The following BRCA2 variants were observed in gnomAD, a reference collection of about 807,000 sequenced individuals.
The protein encoded by BRCA2 is breast cancer type 2 susceptibility protein.
Under a neutral mutation model 276.7 loss-of-function variants are expected in BRCA2, and 203 were observed. The observed-to-expected ratio is 0.73, with a 90% CI of 0.65 to 0.82. BRCA2 has a LOEUF of 0.82. Among genes scored for constraint, BRCA2 ranks in the 40% least tolerant of loss-of-function variants. The pLI, the probability that BRCA2 is intolerant of heterozygous loss-of-function variation, is 0.00. For missense variants in BRCA2, 3,920 were observed against 3,915.0 expected (o/e 1.00, Z -0.03); for synonymous variants, 1,289 against 1,338.4 (o/e 0.96, Z 0.81).
At chr13:32,316,231 T>C (rs1279278477) in intron 1 of BRCA2, among the ~76,000 whole-genome samples, 191 bp from the exon 2 acceptor site, 1 of 152,204 alleles carries the variant, frequency 6.6e-6, no homozygotes, top group East Asian at 1.9e-4. Flanking sequence ...GAGTGCTTAA[T>C]GTGGCTAGTG....
At chr13:32,348,130 CAGT>C (rs1334578484) in intron 13 of BRCA2, among the ~76,000 whole-genome samples, 1 of 151,824 alleles carries the variant, frequency 6.6e-6, no homozygotes, top group African/African-American at 2.4e-5. Context: ...TAAATTAACT[CAGT>C]AGAAATAATG....
Position 32,316,448 on chromosome 13 carries a change from A to G in BRCA2, c.-13A>G, listed in dbSNP as rs2138697841. Reference sequence around the variant, plus strand: ...CTTATTTACCAAGCATTGGAGGAATATCGTAGGTAAAAATGCCTATTGGAT... The same window carrying G: ...CTTATTTACCAAGCATTGGAGGAATGTCGTAGGTAAAAATGCCTATTGGAT... On this transcript the variant is annotated 5_prime_UTR_variant, in exon 2 of 27. The change creates a new upstream start codon in the 5' untranslated region. Transcript: ENST00000380152. 3 of 1,611,154 alleles carry G rather than the reference A, an allele frequency of 1.9e-6. No homozygotes were observed. Among genetic ancestry groups the G allele is most frequent in the Non-Finnish European group, 2.5e-6 (3 of 1,177,240 alleles).
intron 13 of BRCA2, among the ~76,000 whole-genome samples, chr13:32,351,799 A>G (rs1311433500): frequency 6.6e-6 from 1 of 151,306 alleles, no homozygotes; most frequent in Admixed American, 6.6e-5. Flanking sequence ...ATTTTATTTT[A>G]TTTATTTATT....
intron 14 of BRCA2, among the ~76,000 whole-genome samples, chr13:32,355,511 G>C (rs2072687020): frequency 6.6e-6 from 1 of 152,048 alleles, no homozygotes. Flanking sequence ...ACACAATCTA[G>C]GACTGCTGTT....
intron 13 of BRCA2, among the ~76,000 whole-genome samples, chr13:32,349,713 G>A (rs574784293): frequency 1.3e-5 from 2 of 151,512 alleles, no homozygotes; most frequent in African/African-American, 4.9e-5. Flanking sequence ...TACTCAGGAG[G>A]CTGAGGTGGG....
At chr13:32,341,280 G>C in intron 11 of BRCA2, 84 bp downstream of exon 11, 1 of 1,587,766 alleles carries the variant, frequency 6.3e-7, no homozygotes, top group Non-Finnish European at 8.6e-7. Context: ...TAACAATTAA[G>C]AGTGTTATAA....
rs397507923 is a variant in BRCA2, at chr13:32,356,613, T to C, written c.7617+4T>C. 4.3e-6 allele frequency: 7 copies of C among 1,613,634 alleles called. No individual in the cohort carries two copies. Among genetic ancestry groups the C allele is most frequent in the African/African-American group, 1.3e-5 (1 of 74,944 alleles). The stretch of plus-strand genomic sequence containing the variant: ...CTCTGCGTGTTCTCATAAACAGGTA[T>C]GTGTTTGTCTACAATACTGATGGCT... On this transcript the variant is annotated splice_donor_region_variant and intron_variant, in intron 15 of 26. Transcript: ENST00000380152.
chr13:32,387,573 T>C (rs1335946053), intron 24 of BRCA2, among the ~76,000 whole-genome samples: 2 of 152,164 alleles, frequency 1.3e-5, no homozygotes, highest in Non-Finnish European at 2.9e-5. Context: ...ACCAGCTTCT[T>C]GTGGAAGCCT....
chr13:32,382,358 C>T (rs1261991965), intron 24 of BRCA2, among the ~76,000 whole-genome samples: 1 of 151,978 alleles, frequency 6.6e-6, no homozygotes, highest in African/African-American at 2.4e-5. Flanking sequence ...GCCTTTTATA[C>T]TTAGAAGCAG....
intron 13 of BRCA2, among the ~76,000 whole-genome samples, 164 bp from the exon 14 acceptor site, chr13:32,354,697 C>T (rs2072674630): frequency 6.6e-6 from 1 of 152,214 alleles, no homozygotes; most frequent in South Asian, 2.1e-4. Context: ...AAAGGCTAGC[C>T]TTGAAAAATG....
rs1555287055 is a variant in BRCA2, at chr13:32,363,432, A to G, written c.8230A>G (p.Arg2744Gly). The part of the protein sequence containing the change: ...PPLLAVLKNG[R>G]LTVGQKIILH... The stretch of plus-strand genomic sequence containing the variant: ...CCTCTTAGCTGTCTTAAAGAATGGC[A>G]GACTGACAGTTGGTCAGAAGATTAT... The change falls in exon 18 of 27, where the codon AGA becomes GGA. Residue 2744 changes from arginine (R) to glycine (G), a missense_variant. By Grantham distance (125) the Arg-to-Gly change is moderately radical (BLOSUM62 -2). This residue lies in a region of BRCA2 where 3,263 missense variants were observed against 3,156.9 expected (regional missense o/e 1.03). Coordinates refer to ENST00000380152, the MANE Select transcript of BRCA2 (RefSeq NM_000059.4). The G allele has an allele frequency of 3.7e-6, 6 of 1,614,204 alleles. No individual in the cohort carries two copies. The highest frequency in any genetic ancestry group is 5.1e-6 in the Non-Finnish European group (6 of 1,180,028).
At chr13:32,324,899 G>A (rs11571608) in intron 3 of BRCA2, among the ~76,000 whole-genome samples, 177 bp from the exon 4 acceptor site, 3 of 152,172 alleles carry the variant, frequency 2.0e-5, no homozygotes, top group Admixed American at 1.3e-4. Flanking sequence ...ATAAGCCACT[G>A]TGCTCGGGGC....
chr13:32,351,759 A>G (rs1375178562), intron 13 of BRCA2, among the ~76,000 whole-genome samples: 1 of 152,168 alleles, frequency 6.6e-6, no homozygotes, highest in Non-Finnish European at 1.5e-5. Flanking sequence ...GCCTAAAAAT[A>G]TCATTGAAAT....
intron 24 of BRCA2, among the ~76,000 whole-genome samples, chr13:32,388,951 T>C (rs549398675): frequency 6.6e-6 from 1 of 152,356 alleles, no homozygotes; most frequent in East Asian, 1.9e-4. Flanking sequence ...ATTTGTTTTC[T>C]ATTTGTTTCT....
chr13:32,394,702 C>T lies in BRCA2; in HGVS notation c.9270C>T (p.Phe3090=), dbSNP rs587780873. Residue 3090 remains phenylalanine, a synonymous_variant, in exon 25 of 27, where the codon TTC becomes TTT. Transcript: ENST00000380152. ...TTTCCATTCTAGGACTTGCCCCTTT[C>T]GTCTATTTGTCAGACGAATGTTACA... ...SVVKKTGLAP[F]VYLSDECYNL... is the part of the protein sequence containing the mutation. The T allele has an allele frequency of 1.7e-5, 27 of 1,613,208 alleles. No homozygotes were observed. Among genetic ancestry groups the T allele is most frequent in the East Asian group, 6.7e-5 (3 of 44,880 alleles).
rs2073051899 is a variant in BRCA2, at chr13:32,398,375, A to G, written c.9862A>G (p.Thr3288Ala). 6.2e-7 allele frequency: 1 copy of G among 1,614,188 alleles called. No homozygotes were observed. Among genetic ancestry groups the G allele is most frequent in the Non-Finnish European group, 8.5e-7 (1 of 1,180,022 alleles). Residue 3288 changes from threonine (T) to alanine (A), a missense_variant, in exon 27 of 27, where the codon ACA becomes GCA. Transcript: ENST00000380152. ...ACCTCCACCTGTTAGTCCCATTTGT[A>G]CATTTGTTTCTCCGGCTGCACAGAA... ...PLPPPVSPICTFVSPAAQKAF... is the reference protein window; with the variant it reads ...PLPPPVSPICAFVSPAAQKAF...
chr13:32,387,360 C>T lies in BRCA2; in HGVS notation c.9256+7215C>T, dbSNP rs11571791. The stretch of plus-strand genomic sequence containing the variant: ...ACTAATATAACCTAGGAATAACTGG[C>T]GGGTATAGGGTGAGGTGCTGAAGGG... On this transcript the variant is annotated intron_variant, in intron 24 of 26. Transcript: ENST00000380152. 2.3e-3 allele frequency among the ~76,000 whole-genome samples: 346 copies of T among 152,132 alleles called. 6 individuals carry two copies. The East Asian group carries it at 0.056, about 24-fold the overall frequency.
Position 32,356,417 on chromosome 13 carries a change from T to C in BRCA2, c.7436-11T>C, listed in dbSNP as rs1566241833. On this transcript the variant is annotated splice_polypyrimidine_tract_variant and intron_variant, in intron 14 of 26. Coordinates refer to ENST00000380152, the MANE Select transcript of BRCA2 (RefSeq NM_000059.4). ...CAATTTTATTTTTGCTAAGTATTTATTCTTTGATAGATTTAATTACAAGTC... is the reference window on the plus strand; with the variant it reads ...CAATTTTATTTTTGCTAAGTATTTACTCTTTGATAGATTTAATTACAAGTC... The C allele has an allele frequency of 3.7e-6, 6 of 1,610,458 alleles. No homozygotes were observed. Among genetic ancestry groups the C allele is most frequent in the Middle Eastern group, 1.7e-4 (1 of 6,058 alleles).
intron 20 of BRCA2, among the ~76,000 whole-genome samples, chr13:32,376,332 GC>G (rs1420282660): frequency 6.6e-6 from 1 of 151,876 alleles, no homozygotes; most frequent in African/African-American, 2.4e-5. Flanking sequence ...GACCAGCCTG[GC>G]CAATATGGTG....
Sources: allele counts gnomAD v4.1 joint callset (sites outside exome capture counted in the v4.1 genomes callset), GRCh38; gene constraint gnomAD v4.1.1; regional missense constraint gnomAD v4.1.1; transcripts MANE v1.5; gene names NCBI Gene and HGNC (gene_info 2026-07-23, HGNC 2026-07-21).